ADAMTS10: variants seen among roughly 807,000 people sequenced by gnomAD.
ADAMTS10 encodes A disintegrin and metalloproteinase with thrombospondin motifs 10.
A neutral mutation model predicts 135.9 loss-of-function variants in ADAMTS10; 48 were observed. That is an observed-to-expected ratio of 0.35 (90% confidence interval 0.28 to 0.45). ADAMTS10 has a LOEUF of 0.45. ADAMTS10 is among the 20% of genes least tolerant of loss of function. The probability of loss-of-function intolerance (pLI) is 1.00; values close to 1 mark genes in which losing one functional copy is unlikely to be tolerated. For missense variants in ADAMTS10, 1,131 were observed against 1,565.2 expected, an observed-to-expected ratio of 0.72 and a Z score of 4.68; for synonymous variants, 621 against 647.5, an observed-to-expected ratio of 0.96 and a Z score of 0.62.
At chr19:8,597,839 T>C (rs1555740626) in intron 6 of ADAMTS10, among the ~76,000 whole-genome samples, 1 of 151,950 alleles carries the variant, frequency 6.6e-6, no homozygotes, top group Non-Finnish European at 1.5e-5. Flanking sequence ...GTTTTGCTCT[T>C]TTTGTCTAGG....
intron 25 of ADAMTS10, among the ~76,000 whole-genome samples, chr19:8,583,451 G>A (rs2042380625): frequency 6.6e-6 from 1 of 152,110 alleles, no homozygotes; most frequent in Non-Finnish European, 1.5e-5. Flanking sequence ...TGAGGCAGGA[G>A]AATCACTTGT....
chr19:8,592,981 G>C, intron 12 of ADAMTS10, 111 bp from the exon 13 acceptor site: 1 of 1,015,184 alleles, frequency 9.9e-7, no homozygotes, highest in South Asian at 1.4e-5. Context: ...CCAGAGCAGA[G>C]AGCCCGGTGC....
chr19:8,596,475 C>A lies in ADAMTS10; in HGVS notation c.1085-63G>T. ...TCAGGACGGTGCTGGCTGGCCCCAT[C>A]CACCTGCCAGGTCTCACCCCAGCCC... On this transcript the variant is annotated intron_variant, in intron 9 of 25. Transcript: ENST00000597188. The surrounding 1 kb of genome is among the most constrained non-coding windows in gnomAD (Gnocchi z 7.2). 1.2e-6 allele frequency: 2 copies of A among 1,612,490 alleles called. No homozygotes were observed. Among genetic ancestry groups the A allele is most frequent in the Non-Finnish European group, 1.7e-6 (2 of 1,178,728 alleles).
chr19:8,585,987 A>G, intron 22 of ADAMTS10, 135 bp downstream of exon 22: 2 of 1,446,922 alleles, frequency 1.4e-6, no homozygotes, highest in South Asian at 1.2e-5. Context: ...CTATAGAACC[A>G]TCACTGCAGC....
At chr19:8,610,275 G>GAC (rs1237835129) in intron 1 of ADAMTS10, among the ~76,000 whole-genome samples, 6 of 151,380 alleles carry the variant, frequency 4.0e-5, no homozygotes, top group African/African-American at 9.7e-5. Flanking sequence ...CACAAACCCA[G>GAC]ACACACACAC....
Position 8,587,163 on chromosome 19 carries a change from C to T in ADAMTS10, c.2159-267G>A, listed in dbSNP as rs1033354144. Among the ~76,000 whole-genome samples the T allele has an allele frequency of 1.4e-4, 20 of 143,548 alleles. 1 individual carries two copies. Among genetic ancestry groups the T allele is most frequent in the Admixed American group, 9.1e-4 (13 of 14,320 alleles). The allele number at this position is 143,548 out of a possible 152,430, so 94.2% of individuals were successfully genotyped here. ...AGGATTTTTCTTTCTTTCTTTCTTT[C>T]TTTTTTTTTTTTGGAGACAGGATGT... On this transcript the variant is annotated intron_variant, in intron 18 of 25. Coordinates refer to ENST00000597188, the MANE Select transcript of ADAMTS10 (RefSeq NM_030957.4).
At position 8,586,361 on chromosome 19, in the gene ADAMTS10, G is replaced by C. The variant is rs1389991838; in HGVS notation, c.2513C>G (p.Ser838Trp). ...GGCCTCACCGCCTGCACACTGGGCC[G>C]AGCACTTGGTCCAGGGCGCATAGTG... is the stretch of plus-strand genomic sequence containing the variant. ...SWHYAPWTKCSAQCAGGSQVQ... is the reference protein window; with the variant it reads ...SWHYAPWTKCWAQCAGGSQVQ... The change falls in exon 21 of 26, where the codon TCG becomes TGG. Residue 838 changes from serine (S) to tryptophan (W), a missense_variant. Ser to Trp is a radical substitution (Grantham distance 177). Transcript: ENST00000597188. 1 of 1,613,600 alleles carries C rather than the reference G, an allele frequency of 6.2e-7. No individual in the cohort carries two copies. Among genetic ancestry groups the C allele is most frequent in the Non-Finnish European group, 8.5e-7 (1 of 1,179,940 alleles).
At chr19:8,588,579 T>A (rs1481200480) in intron 18 of ADAMTS10, among the ~76,000 whole-genome samples, 1 of 152,166 alleles carries the variant, frequency 6.6e-6, no homozygotes, top group Non-Finnish European at 1.5e-5. Flanking sequence ...CCCTGGGCTC[T>A]CTGTCACTTG....
Position 8,589,979 on chromosome 19 carries a change from C to A in ADAMTS10, c.1810G>T (p.Gly604Cys), listed in dbSNP as rs1238761290. Residue 604 changes from glycine to cysteine, a missense_variant, in exon 16 of 26, where the codon GGC becomes TGC. Around this residue, in one of 3 missense-constraint regions of ADAMTS10, gnomAD observed 745 missense variants for 1,056.3 expected, o/e 0.71. Coordinates refer to ENST00000597188, the MANE Select transcript of ADAMTS10 (RefSeq NM_030957.4). ...RSCNTDDCPP[G>C]SQDFREVQCS... ...TGCACTTCTCTGAAGTCCTGGGAGC[C>A]AGGGGGACAGTCCTGGGGGCAGGAG... 1.2e-6 allele frequency: 2 copies of A among 1,613,482 alleles called. No individual in the cohort carries two copies. The highest frequency in any genetic ancestry group is 1.7e-6 in the Non-Finnish European group (2 of 1,179,948).
Position 8,589,497 on chromosome 19 carries a change from G to T in ADAMTS10, c.1989C>A (p.Pro663=). Residue 663 remains proline, a synonymous_variant, in exon 17 of 26, where the codon CCC becomes CCA. Transcript: ENST00000597188. The part of the protein sequence containing the change: ...ERAAAVVDGT[P]CRPDTVDICV... ...AAATGTCCACCGTGTCTGGACGGCA[G>T]GGTGTCCCGTCCACCACGGCTGCCG... 1.2e-6 allele frequency: 2 copies of T among 1,613,380 alleles called. No individual in the cohort carries two copies. Among genetic ancestry groups the T allele is most frequent in the South Asian group, 2.2e-5 (2 of 91,064 alleles).
At chr19:8,610,024 T>G (rs1477547231) in intron 1 of ADAMTS10, among the ~76,000 whole-genome samples, 1 of 149,730 alleles carries the variant, frequency 6.7e-6, no homozygotes, top group Non-Finnish European at 1.5e-5. Flanking sequence ...GACACACAAA[T>G]ACACGCACCC....
At chr19:8,585,107 AC>A (rs2042407465) in intron 24 of ADAMTS10, 24 bp downstream of exon 24, 1 of 1,475,844 alleles carries the variant, frequency 6.8e-7, no homozygotes, top group East Asian at 2.6e-5. Context: ...CCTGGCCCCC[AC>A]CCCTCTGGGG....
At position 8,589,484 on chromosome 19, in the gene ADAMTS10, T is replaced by C; in HGVS notation, c.2002A>G (p.Thr668Ala). Residue 668 changes from threonine (T) to alanine (A), a missense_variant, in exon 17 of 26, where the codon ACG (threonine) becomes GCG (alanine). By Grantham distance (58) the Thr-to-Ala change is moderately conservative (BLOSUM62 0). Coordinates refer to ENST00000597188, the MANE Select transcript of ADAMTS10 (RefSeq NM_030957.4). Reference sequence around the variant, plus strand: ...TCGCCACTGACGCAAATGTCCACCGTGTCTGGACGGCAGGGTGTCCCGTCC... The same window carrying C: ...TCGCCACTGACGCAAATGTCCACCGCGTCTGGACGGCAGGGTGTCCCGTCC... The part of the protein sequence containing the change: ...VVDGTPCRPD[T>A]VDICVSGECK... The C allele has an allele frequency of 3.7e-6, 6 of 1,611,870 alleles. No individual in the cohort carries two copies. Among genetic ancestry groups the C allele is most frequent in the Non-Finnish European group, 5.1e-6 (6 of 1,179,246 alleles).
intron 5 of ADAMTS10, among the ~76,000 whole-genome samples, chr19:8,602,265 T>A (rs908322194): frequency 2.0e-5 from 3 of 152,194 alleles, no homozygotes; most frequent in Non-Finnish European, 4.4e-5. Context: ...TCATAGAGTA[T>A]CTGATTATAT....
rs1373094715 is a variant in ADAMTS10 at position 8,605,677 on chromosome 19, G to T, written c.34C>A (p.Leu12Ile). 2.2e-5 allele frequency: 36 copies of T among 1,612,942 alleles called. No individual in the cohort carries two copies. Among genetic ancestry groups the T allele is most frequent in the Non-Finnish European group, 3.1e-5 (36 of 1,179,844 alleles). The change falls in exon 3 of 26, where the codon CTC becomes ATC. Residue 12 changes from leucine to isoleucine, a missense_variant. Leu to Ile is a conservative substitution (Grantham distance 5, BLOSUM62 2). Coordinates refer to ENST00000597188, the MANE Select transcript of ADAMTS10 (RefSeq NM_030957.4). The surrounding 1 kb of genome is among the most constrained non-coding windows in gnomAD (Gnocchi z 7.7). ...AACATGAGGCCCAGCCCCAGGGCGA[G>T]GGCCCAGCGGAGGATCTGGCAGGCG... ...APACQILRWA[L>I]ALGLGLMFEV...
chr19:8,582,142 G>A (rs1376690427), intron 25 of ADAMTS10, among the ~76,000 whole-genome samples: 15 of 152,100 alleles, frequency 9.9e-5, no homozygotes, highest in African/African-American at 3.6e-4. Context: ...ATGTCCATTT[G>A]GGGCTGTAAT....
chr19:8,581,021 G>C lies in ADAMTS10; in HGVS notation c.3203-19C>G, dbSNP rs1244937465. On this transcript the variant is annotated intron_variant, in intron 25 of 25. Transcript: ENST00000597188. Reference sequence around the variant, plus strand: ...TTGCACTCTGCGGGGACGGGAGAAGGAAGGAAAAATCAGGTCTCAGCTGCC... The same window carrying C: ...TTGCACTCTGCGGGGACGGGAGAAGCAAGGAAAAATCAGGTCTCAGCTGCC... 7 of 1,594,502 alleles carry C rather than the reference G, an allele frequency of 4.4e-6. No individual in the cohort carries two copies. Among genetic ancestry groups the C allele is most frequent in the Non-Finnish European group, 5.1e-6 (6 of 1,166,026 alleles).
In ADAMTS10 at chr19:8,580,805, C is replaced by G; in HGVS notation, c.*88G>C. 7.4e-6 allele frequency: 8 copies of G among 1,077,380 alleles called. No homozygotes were observed. Among genetic ancestry groups the G allele is most frequent in the Non-Finnish European group, 9.5e-6 (7 of 734,990 alleles). The allele number at this position is 1,077,380 out of a possible 1,614,324, so 66.7% of individuals were successfully genotyped here. ...CCGTCTCACCCTTCCCTCCCAGTTC[C>G]CGCCCCCCCGGGGCCCCCTCTGGCC... On this transcript the variant is annotated 3_prime_UTR_variant, in exon 26 of 26. Transcript: ENST00000597188.
rs534909993 is a variant in ADAMTS10 at position 8,589,381 on chromosome 19, G to A, written c.2035-16C>T. The stretch of plus-strand genomic sequence containing the variant: ...AGCCCACGTGCTGCGTGGAGAAGGC[G>A]TGAGTGAGGCGACCCCCTAACCCAC... On this transcript the variant is annotated splice_polypyrimidine_tract_variant and intron_variant, in intron 17 of 25. Coordinates refer to ENST00000597188, the MANE Select transcript of ADAMTS10 (RefSeq NM_030957.4). 17 of 1,611,890 alleles carry A rather than the reference G, an allele frequency of 1.1e-5. No individual in the cohort carries two copies. Among genetic ancestry groups the A allele is most frequent in the African/African-American group, 9.3e-5 (7 of 75,044 alleles).
Sources: gnomAD v4.1 joint callset for allele counts (sites outside exome capture counted in the v4.1 genomes callset) on GRCh38, gnomAD v4.1.1 for gene constraint, gnomAD v4.1.1 regional missense constraint, Gnocchi (gnomAD v3.1) non-coding constraint, MANE v1.5 for transcripts, NCBI Gene and HGNC (gene_info 2026-07-23, HGNC 2026-07-21) for gene names.